The following IFT172 variants were observed in gnomAD, a reference collection of about 807,000 sequenced individuals.
IFT172 encodes the protein intraflagellar transport 172, also known as intraflagellar transport protein 172 homolog.
A neutral mutation model predicts 248.9 loss-of-function variants in IFT172; 164 were observed. The observed-to-expected ratio is 0.66, with a 90% CI of 0.58 to 0.75. The LOEUF (loss-of-function observed/expected upper bound fraction) is 0.75, where lower values mean the gene tolerates loss of function less well. Ranked by LOEUF, IFT172 falls within the 30% of genes least tolerant of loss-of-function variation. The pLI, the probability that IFT172 is intolerant of heterozygous loss-of-function variation, is 0.00. For synonymous variants in IFT172, 729 were observed against 791.6 expected, an observed-to-expected ratio of 0.92 and a Z score of 1.33; for missense variants, 1,950 against 2,192.4, an observed-to-expected ratio of 0.89 and a Z score of 2.21.
In IFT172 at chr2:27,457,869, A is replaced by G; in HGVS notation, c.3083T>C (p.Leu1028Pro). Residue 1028 changes from leucine (L) to proline (P), a missense_variant, in exon 28 of 48, where the codon CTC (leucine) becomes CCC (proline). This residue lies in a region of IFT172 where 164 missense variants were observed against 239.3 expected (regional missense o/e 0.69). Coordinates refer to ENST00000260570, the MANE Select transcript of IFT172 (RefSeq NM_015662.3). ...RLVGKHHPDL[L>P]SDTHLHLGKE... The stretch of plus-strand genomic sequence containing the variant: ...GCCCAGATGTAGGTGTGTATCACTG[A>G]GGAGATCTGGATGGTGCTTCCCTAC... 1 of 1,614,158 alleles carries G rather than the reference A, an allele frequency of 6.2e-7. No homozygotes were observed. The highest frequency in any genetic ancestry group is 8.5e-7 in the Non-Finnish European group (1 of 1,180,016).
chr2:27,481,676 G>A (rs1304681971), intron 7 of IFT172, among the ~76,000 whole-genome samples: 2 of 151,810 alleles, frequency 1.3e-5, no homozygotes, highest in Non-Finnish European at 2.9e-5. Context: ...GAGTAGCTGG[G>A]ATTACAGGTG....
Position 27,461,448 on chromosome 2 carries a change from G to A in IFT172, c.2263C>T (p.Arg755Ter), listed in dbSNP as rs1432342966. The A allele has an allele frequency of 4.3e-6, 7 of 1,614,008 alleles. No individual in the cohort carries two copies. Among genetic ancestry groups the A allele is most frequent in the Admixed American group, 1.7e-5 (1 of 60,002 alleles). Residue 755 changes from arginine to a stop codon, truncating the protein, a stop_gained, in exon 22 of 48, where the codon CGA becomes TGA. Coordinates refer to ENST00000260570, the MANE Select transcript of IFT172 (RefSeq NM_015662.3). LOFTEE classifies it high-confidence loss of function. ...TGGCTCTCCTGTAGTTCACCTGCTC[G>A]CTCCTCTTGCTGTGTGTCCATCAGC... ...QWLMDTQQEE[R>*]AGELQESQGD...
rs779907319 is a variant in IFT172, at chr2:27,477,295, T to C, written c.1247A>G (p.Glu416Gly). The change falls in exon 13 of 48, where the codon GAG (glutamate) becomes GGG (glycine). Residue 416 changes from glutamate to glycine, a missense_variant. Physicochemically the swap from Glu to Gly is moderately conservative, Grantham distance 98 (BLOSUM62 -2). Transcript: ENST00000260570. ...ATTCCCATATTCCACCAGGGTTAGC[T>C]CTCCGGCATTGAAGATCATGCATAC... ...ENVCMIFNAG[E>G]LTLVEYGNND... is the part of the protein sequence containing the mutation. 5.6e-6 allele frequency: 9 copies of C among 1,613,946 alleles called. No homozygotes were observed. In the African/African-American group the frequency reaches 9.3e-5, roughly 17 times the overall value.
chr2:27,477,539 G>A lies in IFT172; in HGVS notation c.1221+20C>T. 6.4e-7 allele frequency: 1 copy of A among 1,561,506 alleles called. No individual in the cohort carries two copies. The highest frequency in any genetic ancestry group is 2.2e-5 in the East Asian group (1 of 44,636). On this transcript the variant is annotated intron_variant, in intron 12 of 47. Coordinates refer to ENST00000260570, the MANE Select transcript of IFT172 (RefSeq NM_015662.3). ...AAGGAGGCTTATCAAGATGGTGATG[G>A]TGAATCAAGCTCTACTCACATTCTC...
In IFT172 at chr2:27,480,041, G is replaced by C; in HGVS notation, c.894C>G (p.Gly298=). The change falls in exon 9 of 48, where the codon GGC becomes GGG. Residue 298 remains glycine, a synonymous_variant. Coordinates refer to ENST00000260570, the MANE Select transcript of IFT172 (RefSeq NM_015662.3). The part of the protein sequence containing the change: ...TITALAWKRD[G]SRLCVGTLCG... ...AGTAACACACCACACAGAGCCGTGA[G>C]CCATCCCGCTTCCAGGCCAAGGCAG... 1.2e-6 allele frequency: 2 copies of C among 1,613,804 alleles called. No homozygotes were observed. Among genetic ancestry groups the C allele is most frequent in the Non-Finnish European group, 1.7e-6 (2 of 1,179,832 alleles).
chr2:27,459,252 G>A, intron 25 of IFT172, 126 bp downstream of exon 25: 8 of 1,198,372 alleles, frequency 6.7e-6, no homozygotes, highest in Non-Finnish European at 9.3e-6. Flanking sequence ...CCCCTTCAAG[G>A]TGATGATGCT....
chr2:27,483,405 GGAA>G, intron 6 of IFT172, 29 bp from the exon 7 acceptor site: 2 of 1,488,974 alleles, frequency 1.3e-6, no homozygotes, highest in Non-Finnish European at 1.9e-6. Flanking sequence ...GAGAAATACA[GGAA>G]GAGACTATTT....
intron 18 of IFT172, among the ~76,000 whole-genome samples, chr2:27,464,236 G>C (rs1202819626): frequency 3.3e-5 from 5 of 152,172 alleles, no homozygotes; most frequent in Non-Finnish European, 5.9e-5. Context: ...ATGATTCCTA[G>C]CCAAAATGGC....
intron 1 of IFT172, among the ~76,000 whole-genome samples, chr2:27,487,600 A>T (rs928569001): frequency 3.9e-5 from 6 of 152,174 alleles, no homozygotes; most frequent in African/African-American, 9.6e-5. Flanking sequence ...TTATTTAATT[A>T]ATTTATTTTT....
At chr2:27,456,811 G>A (rs1348950799) in intron 29 of IFT172, among the ~76,000 whole-genome samples, 158 bp from the exon 30 acceptor site, 3 of 152,062 alleles carry the variant, frequency 2.0e-5, no homozygotes, top group Non-Finnish European at 2.9e-5. Context: ...TTGGGAGGCC[G>A]AGGCAAGAGG....
chr2:27,450,797 G>A (rs988494214), intron 35 of IFT172, among the ~76,000 whole-genome samples: 2 of 152,044 alleles, frequency 1.3e-5, no homozygotes, highest in Non-Finnish European at 2.9e-5. Flanking sequence ...CACCATGTTG[G>A]CCAGGCTGGT....
At chr2:27,449,967 T>C (rs374200614) in intron 36 of IFT172, 31 bp downstream of exon 36, 27 of 1,577,554 alleles carry the variant, frequency 1.7e-5, no homozygotes, top group Non-Finnish European at 2.0e-5. Flanking sequence ...CTGTGAAATC[T>C]ATTTCTGTTC....
At chr2:27,462,567 AC>A (rs1304598174) in intron 20 of IFT172, 133 bp downstream of exon 20, 2 of 723,750 alleles carry the variant, frequency 2.8e-6, no homozygotes, top group Admixed American at 2.2e-5. Context: ...AACTATATAA[AC>A]CCCTTTGAAA....
chr2:27,453,252 C>T, intron 35 of IFT172, 132 bp downstream of exon 35: 8 of 1,179,318 alleles, frequency 6.8e-6, no homozygotes, highest in Non-Finnish European at 8.9e-6. Flanking sequence ...CCAGCAGGCA[C>T]TCCATAGATT....
intron 10 of IFT172, 55 bp from the exon 11 acceptor site, chr2:27,478,211 G>A: frequency 1.2e-6 from 2 of 1,606,204 alleles, no homozygotes; most frequent in Admixed American, 1.7e-5. Context: ...AAAGAAGGGT[G>A]AACAACCATG....
At position 27,458,795 on chromosome 2, in the gene IFT172, C is replaced by CA; in HGVS notation, c.2860dup (p.Trp954LeufsTer36). 1 of 1,614,116 alleles carries CA rather than the reference C, an allele frequency of 6.2e-7. No homozygotes were observed. The highest frequency in any genetic ancestry group is 8.5e-7 in the Non-Finnish European group (1 of 1,180,012). ...CATCCCTACCTTGTGGGCTTGTTCC[C>CA]AACGACCAGCCTGGGTGTACATGTC... On this transcript the variant is annotated frameshift_variant, in exon 26 of 48. Coordinates refer to ENST00000260570, the MANE Select transcript of IFT172 (RefSeq NM_015662.3). LOFTEE classifies it high-confidence loss of function.
rs965543351 is a variant in IFT172, at chr2:27,464,710, C to T, written c.1937+701G>A. On this transcript the variant is annotated intron_variant, in intron 18 of 47. Transcript: ENST00000260570. ...CTCAGCTCACCGCAACTTTGCCTCC[C>T]GGGTTCAAGTGATTCCTGTGCCTCA... 4.6e-5 allele frequency among the ~76,000 whole-genome samples: 7 copies of T among 151,962 alleles called. No homozygotes were observed. In the South Asian group the frequency reaches 8.3e-4, roughly 18 times the overall value.
At chr2:27,484,905 T>C (rs1558417289) in intron 3 of IFT172, 113 bp downstream of exon 3, 7 of 710,934 alleles carry the variant, frequency 9.8e-6, no homozygotes, top group Non-Finnish European at 1.8e-5. Context: ...AGTCTCTGCC[T>C]TCAATGGCCA....
rs376824384 is a variant in IFT172 at position 27,449,721 on chromosome 2, G to A, written c.4130C>T (p.Ala1377Val). Residue 1377 changes from alanine (A) to valine (V), a missense_variant, in exon 37 of 48, where the codon GCG (alanine) becomes GTG (valine). By Grantham distance (64) the Ala-to-Val change is moderately conservative. Coordinates refer to ENST00000260570, the MANE Select transcript of IFT172 (RefSeq NM_015662.3). ...AFIEGEEWNK[A>V]KRVAKELDPR... is the part of the protein sequence containing the mutation. ...ATCTAACTCCTTAGCTACACGCTTCGCCTTGTTCCACTCCTCACCCTCGAT... is the reference window on the plus strand; with the variant it reads ...ATCTAACTCCTTAGCTACACGCTTCACCTTGTTCCACTCCTCACCCTCGAT... 255 of 1,613,778 alleles carry A rather than the reference G, an allele frequency of 1.6e-4. 1 individual carries two copies. The highest frequency in any genetic ancestry group is 3.3e-4 in the Middle Eastern group (2 of 6,062).
Sources: allele counts gnomAD v4.1 joint callset (sites outside exome capture counted in the v4.1 genomes callset), GRCh38; gene constraint gnomAD v4.1.1; regional missense constraint gnomAD v4.1.1; transcripts MANE v1.5; gene names NCBI Gene and HGNC (gene_info 2026-07-23, HGNC 2026-07-21).